Variants in STPG2 observed in about 807,000 individuals in gnomAD.
The protein encoded by STPG2 is sperm-tail PG-rich repeat-containing protein 2.
A neutral mutation model predicts 54.2 loss-of-function variants in STPG2; 56 were observed. The observed-to-expected ratio is 1.03, with a 90% CI of 0.83 to 1.29. STPG2 has a LOEUF of 1.29. STPG2 is among the 50% of genes most tolerant of loss of function. The pLI, the probability that STPG2 is intolerant of heterozygous loss-of-function variation, is 0.00. For missense variants in STPG2, 596 were observed against 544.9 expected, an observed-to-expected ratio of 1.09 and a Z score of -0.93; for synonymous variants, 200 against 181.8, an observed-to-expected ratio of 1.10 and a Z score of -0.81.
chr4:98,093,151 T>C (rs1012396606), intron 5 of STPG2, among the ~76,000 whole-genome samples: 1 of 152,178 alleles, frequency 6.6e-6, no homozygotes, highest in African/African-American at 2.4e-5. Context: ...TTACCAAATG[T>C]TTTTGCATAG....
chr4:98,089,426 T>C (rs1202167868), intron 5 of STPG2, among the ~76,000 whole-genome samples: 1 of 151,996 alleles, frequency 6.6e-6, no homozygotes, highest in Non-Finnish European at 1.5e-5. Context: ...TGTATATATA[T>C]CAGATTTTCT....
intron 10 of STPG2, among the ~76,000 whole-genome samples, chr4:97,618,396 C>A (rs970647584): frequency 5.3e-5 from 8 of 152,016 alleles, no homozygotes; most frequent in Non-Finnish European, 1.2e-4. Flanking sequence ...AACTTCCCAA[C>A]TGAACCCAGT....
intron 8 of STPG2, among the ~76,000 whole-genome samples, chr4:97,849,224 T>A (rs1263612981): frequency 6.6e-6 from 1 of 150,954 alleles, no homozygotes; most frequent in East Asian, 2.0e-4. Flanking sequence ...ACATCCCTTG[T>A]AAGTTGGATT....
intron 9 of STPG2, among the ~76,000 whole-genome samples, chr4:97,770,475 G>A (rs1483203828): frequency 6.6e-6 from 1 of 152,056 alleles, no homozygotes; most frequent in East Asian, 1.9e-4. Context: ...AGAAGGAAAT[G>A]AGTTCAGAGA....
intron 4 of STPG2, among the ~76,000 whole-genome samples, chr4:97,517,008 A>C (rs1731089006): frequency 6.6e-6 from 1 of 151,688 alleles, no homozygotes; most frequent in South Asian, 2.1e-4. Context: ...CCCGGTCTCA[A>C]GTGATTTTCC....
At position 97,727,449 on chromosome 4, in the gene STPG2, T is replaced by C. The variant is rs528433733; in HGVS notation, c.1205-14635A>G. On this transcript the variant is annotated intron_variant, in intron 9 of 10. Coordinates refer to ENST00000295268, the MANE Select transcript of STPG2 (RefSeq NM_174952.3). ...ATAAAACAGGTAAAGATGACAACGT[T>C]TATTTTATCAGCCATACACAAAAAA... Among the ~76,000 whole-genome samples, 240 of 152,046 alleles carry C rather than the reference T, an allele frequency of 1.6e-3. 3 individuals are homozygous for C. The South Asian group carries it at 0.019, about 12-fold the overall frequency.
chr4:97,705,335 T>TC (rs2149001228), intron 10 of STPG2, among the ~76,000 whole-genome samples: 1 of 151,612 alleles, frequency 6.6e-6, no homozygotes, highest in African/African-American at 2.4e-5. Context: ...GAAATTCTTT[T>TC]TTTTTTCTGA....
intron 10 of STPG2, among the ~76,000 whole-genome samples, chr4:97,685,875 G>C (rs563040682): frequency 6.6e-6 from 1 of 152,266 alleles, no homozygotes; most frequent in Middle Eastern, 3.4e-3. Flanking sequence ...AAAAAGGCAA[G>C]GAGAGCAGTC....
chr4:97,981,050 C>A, intron 6 of STPG2, 109 bp downstream of exon 6: 1 of 1,187,918 alleles, frequency 8.4e-7, no homozygotes. Flanking sequence ...AAAATGACAC[C>A]AACCATAGGA....
chr4:97,456,980 G>A (rs1729544386), intron 4 of STPG2, among the ~76,000 whole-genome samples: 3 of 149,422 alleles, frequency 2.0e-5, no homozygotes, highest in Admixed American at 6.6e-5. Flanking sequence ...ATTATATAAT[G>A]GCAAATAAGC....
intron 10 of STPG2, among the ~76,000 whole-genome samples, chr4:97,637,220 A>G (rs1164259958): frequency 2.1e-5 from 2 of 94,484 alleles, no homozygotes; most frequent in East Asian, 5.9e-4. Context: ...TCCAGCATAT[A>G]AACAGAGCCA....
intron 4 of STPG2, among the ~76,000 whole-genome samples, chr4:97,471,043 A>T (rs1187950792): frequency 2.6e-5 from 4 of 152,174 alleles, no homozygotes; most frequent in Non-Finnish European, 4.4e-5. Context: ...TAGGTAGTGT[A>T]TACAGCTAGA....
chr4:97,755,840 G>C (rs1725712004), intron 9 of STPG2, among the ~76,000 whole-genome samples: 1 of 152,078 alleles, frequency 6.6e-6, no homozygotes, highest in African/African-American at 2.4e-5. Context: ...CTTTGGTTTT[G>C]AATTTTAAAA....
intron 5 of STPG2, among the ~76,000 whole-genome samples, chr4:98,088,994 C>A (rs13149779): frequency 0.4 from 60,178 of 151,958 alleles, 12,162 homozygotes; most frequent in Middle Eastern, 0.46. Context: ...TAACAACTCT[C>A]TTGAAATTCA....
chr4:98,043,121 C>T (rs564495753), intron 5 of STPG2, among the ~76,000 whole-genome samples: 6 of 152,070 alleles, frequency 3.9e-5, no homozygotes, highest in South Asian at 2.1e-4. Context: ...TTTACTAAAG[C>T]GTACTTTTCT....
At chr4:97,643,648 T>C (rs1227034848) in intron 10 of STPG2, among the ~76,000 whole-genome samples, 1 of 151,838 alleles carries the variant, frequency 6.6e-6, no homozygotes, top group Non-Finnish European at 1.5e-5. Flanking sequence ...TTATTAATAT[T>C]AAATTGACTT....
intron 10 of STPG2, among the ~76,000 whole-genome samples, chr4:97,711,198 AT>A (rs990813650): frequency 4.3e-4 from 65 of 152,254 alleles, no homozygotes; most frequent in African/African-American, 1.5e-3. Flanking sequence ...AAGGAGAGAA[AT>A]TGCTCAACTA....
intron 8 of STPG2, among the ~76,000 whole-genome samples, chr4:97,892,459 C>A (rs1385733782): frequency 6.6e-6 from 1 of 152,104 alleles, no homozygotes; most frequent in African/African-American, 2.4e-5. Flanking sequence ...GGAAAGAGAA[C>A]AAAATGCCTT....
At position 98,143,207 on chromosome 4, in the gene STPG2, AAGGT is replaced by A; in HGVS notation, c.-61_-58del. The A allele has an allele frequency of 1.4e-6, 2 of 1,389,892 alleles. No homozygotes were observed. Among genetic ancestry groups the A allele is most frequent in the Non-Finnish European group, 2.0e-6 (2 of 992,802 alleles). 86.1% of individuals were successfully genotyped at this position (1,389,892 alleles called of 1,614,324 possible). On this transcript the variant is annotated 5_prime_UTR_variant, in exon 1 of 11. Transcript: ENST00000295268. ...GGCAGGTGCCGAAAACGATAAAAACAAGGTAGCTAGAAGTGTGGAGAAAAAGGAA... is the reference window on the plus strand; with the variant it reads ...GGCAGGTGCCGAAAACGATAAAAACAAGCTAGAAGTGTGGAGAAAAAGGAA...
Sources: allele counts gnomAD v4.1 joint callset (sites outside exome capture counted in the v4.1 genomes callset), GRCh38; gene constraint gnomAD v4.1.1; transcripts MANE v1.5; gene names NCBI Gene and HGNC (gene_info 2026-07-23, HGNC 2026-07-21).